C4BPB: variants seen among roughly 807,000 people sequenced by gnomAD.
C4BPB encodes C4b-binding protein beta chain.
Under a neutral mutation model 26.6 loss-of-function variants are expected in C4BPB, and 19 were observed. That is an observed-to-expected ratio of 0.71 (90% CI 0.50 to 1.05). The LOEUF is 1.05. Ranked by LOEUF, C4BPB falls within the 50% of genes least tolerant of loss-of-function variation. The pLI is 0.00. For missense variants in C4BPB, 282 were observed against 302.9 expected (o/e 0.93, Z 0.51); for synonymous variants, 118 against 103.5 (o/e 1.14, Z -0.85).
chr1:207,097,173 AAAAT>A (rs1008725583), intron 5 of C4BPB, among the ~76,000 whole-genome samples: 1 of 152,122 alleles, frequency 6.6e-6, no homozygotes. Flanking sequence ...ACTCTGTTTT[AAAAT>A]AAATAAATAA....
At chr1:207,098,001 C>T (rs766988654) in intron 5 of C4BPB, 149 bp from the exon 6 acceptor site, 110 of 636,150 alleles carry the variant, frequency 1.7e-4, no homozygotes, top group Non-Finnish European at 2.7e-4. Context: ...TTTGTAATAC[C>T]GAGATAACTT....
chr1:207,091,163 G>A (rs1462203408), intron 3 of C4BPB, among the ~76,000 whole-genome samples: 1 of 152,076 alleles, frequency 6.6e-6, no homozygotes, highest in East Asian at 1.9e-4. Context: ...AGAGCACACC[G>A]ATATTATTAT....
intron 4 of C4BPB, chr1:207,095,462 C>A (rs906393737): frequency 2.0e-5 from 9 of 454,994 alleles, no homozygotes; most frequent in Non-Finnish European, 3.1e-5. Flanking sequence ...TCCCAAGTAG[C>A]TGGGATTACA....
chr1:207,091,787 A>C lies in C4BPB; in HGVS notation c.376A>C (p.Thr126Pro). The part of the protein sequence containing the change: ...SNRSQCLEDH[T>P]WAPPFPICKS... ...TCGGAGCCAGTGTCTAGAGGACCAC[A>C]CCTGGGCACCTCCCTTTCCCATCTG... Residue 126 changes from threonine (T) to proline (P), a missense_variant, in exon 4 of 7, where the codon ACC becomes CCC. Physicochemically the swap from Thr to Pro is conservative, Grantham distance 38. Transcript: ENST00000367078. 1 of 1,613,932 alleles carries C rather than the reference A, an allele frequency of 6.2e-7. No individual in the cohort carries two copies. The highest frequency in any genetic ancestry group is 1.1e-5 in the South Asian group (1 of 91,034).
In C4BPB at chr1:207,096,571, T is replaced by A. The variant is rs368269285; in HGVS notation, c.459T>A (p.Asn153Lys). The A allele has an allele frequency of 2.5e-6, 4 of 1,610,028 alleles. No individual in the cohort carries two copies. Among genetic ancestry groups the A allele is most frequent in the Non-Finnish European group, 3.4e-6 (4 of 1,176,890 alleles). The change falls in exon 5 of 7, where the codon AAT becomes AAA. Residue 153 changes from asparagine to lysine, a missense_variant. Physicochemically the swap from Asn to Lys is moderately conservative, Grantham distance 94. Transcript: ENST00000367078. ...GNPVHGYFEG[N>K]NFTLGSTISY... is the part of the protein sequence containing the mutation. ...CAGTTCATGGCTATTTTGAAGGAAA[T>A]AACTTCACCTTAGGATCCACCATTA...
At chr1:207,098,061 G>A in intron 5 of C4BPB, 89 bp from the exon 6 acceptor site, 1 of 975,146 alleles carries the variant, frequency 1.0e-6, no homozygotes, top group Non-Finnish European at 1.6e-6. Context: ...ATCACAGCAT[G>A]AAATACTGAA....
At chr1:207,099,381 C>T (rs941181018) in intron 6 of C4BPB, among the ~76,000 whole-genome samples, 2 of 152,220 alleles carry the variant, frequency 1.3e-5, no homozygotes, top group African/African-American at 2.4e-5. Flanking sequence ...GCCCGCTGCT[C>T]ACTTTCTGCT....
chr1:207,096,225 A>G (rs945787686), intron 4 of C4BPB: 9 of 354,958 alleles, frequency 2.5e-5, no homozygotes, highest in Non-Finnish European at 4.1e-5. Context: ...CTTCTCTACA[A>G]CTTAAAATTT....
At chr1:207,090,068 G>C (rs899209805) in intron 2 of C4BPB, among the ~76,000 whole-genome samples, 4 of 152,178 alleles carry the variant, frequency 2.6e-5, no homozygotes, top group African/African-American at 7.2e-5. Flanking sequence ...TCAAGAGATC[G>C]AGACCATCCT....
intron 5 of C4BPB, 96 bp downstream of exon 5, chr1:207,096,711 C>A: frequency 1.4e-6 from 1 of 692,332 alleles, no homozygotes; most frequent in South Asian, 1.8e-5. Context: ...CATCTGATTT[C>A]CTACTGCTGC....
chr1:207,099,429 G>A (rs564849324), intron 6 of C4BPB, among the ~76,000 whole-genome samples: 31 of 152,272 alleles, frequency 2.0e-4, no homozygotes, highest in Non-Finnish European at 3.5e-4. Flanking sequence ...GACCGGTACC[G>A]GTCTGTGGCC....
Position 207,090,329 on chromosome 1 carries a change from C to T in C4BPB, c.80C>T (p.Pro27Leu). Reference sequence around the variant, plus strand: ...CCAGCAGAGCACTGTCCAGAGCTTCCTCCAGTGGACAATAGCATATTTGTC... The same window carrying T: ...CCAGCAGAGCACTGTCCAGAGCTTCTTCCAGTGGACAATAGCATATTTGTC... ...ASDAEHCPELPPVDNSIFVAK... is the reference protein window; with the variant it reads ...ASDAEHCPELLPVDNSIFVAK... Residue 27 changes from proline (P) to leucine (L), a missense_variant, in exon 3 of 7, where the codon CCT becomes CTT. Coordinates refer to ENST00000367078, the MANE Select transcript of C4BPB (RefSeq NM_001017365.3). The T allele has an allele frequency of 6.2e-7, 1 of 1,613,182 alleles. No homozygotes were observed. The highest frequency in any genetic ancestry group is 8.5e-7 in the Non-Finnish European group (1 of 1,179,676).
At chr1:207,095,142 C>A (rs1684189724) in intron 4 of C4BPB, 1 of 375,434 alleles carries the variant, frequency 2.7e-6, no homozygotes. Flanking sequence ...TGACTGGGAC[C>A]TTAGAGATGA....
chr1:207,094,183 A>G (rs1314861049), intron 4 of C4BPB, among the ~76,000 whole-genome samples: 1 of 152,164 alleles, frequency 6.6e-6, no homozygotes, highest in Non-Finnish European at 1.5e-5. Flanking sequence ...AGTAGCTACT[A>G]AAATAATAAA....
At chr1:207,091,385 A>G (rs1684017924) in intron 3 of C4BPB, among the ~76,000 whole-genome samples, 2 of 152,226 alleles carry the variant, frequency 1.3e-5, no homozygotes, top group Non-Finnish European at 2.9e-5. Flanking sequence ...GGTAACTTTC[A>G]GTTACGTGAT....
In C4BPB at chr1:207,091,577, G is replaced by T. The variant is rs1166547135; in HGVS notation, c.233-67G>T. 2.3e-6 allele frequency: 3 copies of T among 1,330,676 alleles called. No homozygotes were observed. The African/African-American group carries it at 4.4e-5, about 19-fold the overall frequency. The allele number at this position is 1,330,676 out of a possible 1,614,324, so 82.4% of individuals were successfully genotyped here. A position where few individuals can be genotyped will look rare whatever the true frequency, so the allele number is the denominator to read the frequency against. On this transcript the variant is annotated intron_variant, in intron 3 of 6. Transcript: ENST00000367078. The stretch of plus-strand genomic sequence containing the variant: ...CTGTTTTCTCACTGAAGACTGAGGA[G>T]GTCTGGCCTTTGCTGTGTTGGGCTT...
At chr1:207,099,422 C>T (rs1305144376) in intron 6 of C4BPB, among the ~76,000 whole-genome samples, 2 of 152,100 alleles carry the variant, frequency 1.3e-5, no homozygotes, top group African/African-American at 4.8e-5. Flanking sequence ...GTCCGTGGAC[C>T]GGTACCGGTC....
rs1558080165 is a variant in C4BPB at position 207,098,158 on chromosome 1, T to C, written c.512T>C (p.Leu171Ser). The C allele has an allele frequency of 6.2e-7, 1 of 1,613,240 alleles. No homozygotes were observed. The highest frequency in any genetic ancestry group is 8.5e-7 in the Non-Finnish European group (1 of 1,179,326). ...TTCTAATTTCTGTTCAGGTACTACT[T>C]AGTGGGCGTGCAGGAGCAGCAATGC... is the stretch of plus-strand genomic sequence containing the variant. Reference protein sequence around the residue: ...ISYYCEDRYYLVGVQEQQCVD... With the variant: ...ISYYCEDRYYSVGVQEQQCVD... Residue 171 changes from leucine to serine, a missense_variant, in exon 6 of 7, where the codon TTA becomes TCA. Leu to Ser is a moderately radical substitution (Grantham distance 145). Coordinates refer to ENST00000367078, the MANE Select transcript of C4BPB (RefSeq NM_001017365.3).
chr1:207,091,830 A>G lies in C4BPB; in HGVS notation c.409+10A>G. ...CCCATCTGCAAAAGTAGTAAGTACA[A>G]GAGAAACCATCAAGGATCCCCAAAA... On this transcript the variant is annotated intron_variant, in intron 4 of 6. Transcript: ENST00000367078. 6.2e-7 allele frequency: 1 copy of G among 1,604,730 alleles called. No homozygotes were observed. Among genetic ancestry groups the G allele is most frequent in the Non-Finnish European group, 8.5e-7 (1 of 1,175,732 alleles).
Sources: gnomAD v4.1 joint callset for allele counts (sites outside exome capture counted in the v4.1 genomes callset) on GRCh38, gnomAD v4.1.1 for gene constraint, MANE v1.5 for transcripts, NCBI Gene and HGNC (gene_info 2026-07-23, HGNC 2026-07-21) for gene names.